NCF2: variants seen among roughly 807,000 people sequenced by gnomAD.
NCF2 encodes neutrophil cytosol factor 2.
In NCF2, 45 loss-of-function variants were observed where a neutral mutation model predicts 70.9. The observed-to-expected ratio is 0.63, with a 90% CI of 0.50 to 0.81. The LOEUF (loss-of-function observed/expected upper bound fraction) is 0.81. Among genes scored for constraint, NCF2 ranks in the 40% least tolerant of loss-of-function variants. The probability of loss-of-function intolerance (pLI) is 0.00; values close to 1 mark genes in which losing one functional copy is unlikely to be tolerated. For synonymous variants in NCF2, 203 were observed against 233.6 expected (o/e 0.87, Z 1.19); for missense variants, 522 against 631.6 (o/e 0.83, Z 1.86).
chr1:183,582,179 G>GTGCC (rs1673147954), intron 2 of NCF2, among the ~76,000 whole-genome samples: 1 of 152,228 alleles, frequency 6.6e-6, no homozygotes, highest in Non-Finnish European at 1.5e-5. Flanking sequence ...TCAGCGCTGT[G>GTGCC]TGCCAGTGGG....
Position 183,586,956 on chromosome 1 carries a change from G to T in NCF2, c.196C>A (p.Arg66=), listed in dbSNP as rs750782115. The T allele has an allele frequency of 1.7e-5, 28 of 1,613,990 alleles. No individual in the cohort carries two copies. Among genetic ancestry groups the T allele is most frequent in the Non-Finnish European group, 2.2e-5 (26 of 1,179,974 alleles). The change falls in exon 2 of 15, where the codon CGA becomes AGA. Residue 66 remains arginine, a synonymous_variant. Transcript: ENST00000367535. ...AEKAFTRSIN[R]DKHLAVAYFQ... is the part of the protein sequence containing the mutation. ...TAAGCCACTGCCAAGTGCTTGTCTC[G>T]GTTAATGCTTCTGGTAAAGGCCTGA...
chr1:183,590,146 C>T lies in NCF2; in HGVS notation c.174+10G>A, dbSNP rs756489228. 3 of 1,614,186 alleles carry T rather than the reference C, an allele frequency of 1.9e-6. No individual in the cohort carries two copies. In the East Asian group the frequency reaches 6.7e-5, roughly 36 times the overall value. On this transcript the variant is annotated intron_variant, in intron 1 of 14. Coordinates refer to ENST00000367535, the MANE Select transcript of NCF2 (RefSeq NM_000433.4). ...ACAGAGGAGGCCCGGAAAGAGGCAC[C>T]TCCACTCACCTTCTCTGCTTCAGTC...
intron 2 of NCF2, 53 bp downstream of exon 2, chr1:183,586,842 C>A: frequency 6.5e-7 from 1 of 1,533,398 alleles, no homozygotes; most frequent in South Asian, 1.1e-5. Context: ...ACACTGAGAC[C>A]CCTTGGGTTT....
intron 4 of NCF2, among the ~76,000 whole-genome samples, chr1:183,574,248 T>C (rs1283171355): frequency 1.3e-5 from 2 of 152,196 alleles, no homozygotes; most frequent in African/African-American, 2.4e-5. Context: ...TTCTCCTGCA[T>C]TGCCAAGGAG....
At chr1:183,564,125 G>T in intron 10 of NCF2, 95 bp from the exon 11 acceptor site, 1 of 1,247,100 alleles carries the variant, frequency 8.0e-7, no homozygotes, top group East Asian at 2.3e-5. Context: ...TCTTCAAATA[G>T]GGCCCCCAAC....
rs752127520 is a variant in NCF2, at chr1:183,574,504, C to T, written c.484G>A (p.Ala162Thr). 1 of 1,614,236 alleles carries T rather than the reference C, an allele frequency of 6.2e-7. No homozygotes were observed. Among genetic ancestry groups the T allele is most frequent in the Middle Eastern group, 1.6e-4 (1 of 6,062 alleles). The change falls in exon 4 of 15, where the codon GCG becomes ACG. Residue 162 changes from alanine to threonine, a missense_variant. Ala to Thr is a moderately conservative substitution (Grantham distance 58). Transcript: ENST00000367535. ...SEPRHSKIDK[A>T]MECVWKQKLY... ...ACGCTTACCCAGACACACTCCATCG[C>T]CTTGTCGATTTTGGAATGTCTGGGC... is the stretch of plus-strand genomic sequence containing the variant.
intron 7 of NCF2, among the ~76,000 whole-genome samples, chr1:183,567,861 C>G (rs1258199739): frequency 6.6e-6 from 1 of 152,070 alleles, no homozygotes; most frequent in Non-Finnish European, 1.5e-5. Context: ...GAGGGATGCA[C>G]ATAGAGGGCT....
In NCF2 at chr1:183,590,382, C is replaced by A. The variant is rs1187461695; in HGVS notation, c.-53G>T. ...GAGCTGCCAGGAGACAGAGAGAAGA[C>A]AGGTTGGAGCGTCTCCCCTAGCAGG... On this transcript the variant is annotated 5_prime_UTR_variant, in exon 1 of 15. Transcript: ENST00000367535. 1 of 1,606,620 alleles carries A rather than the reference C, an allele frequency of 6.2e-7. No individual in the cohort carries two copies. The highest frequency in any genetic ancestry group is 1.3e-5 in the African/African-American group (1 of 74,726).
intron 1 of NCF2, among the ~76,000 whole-genome samples, chr1:183,587,595 C>CAAAAAAAAAAAAAAAAA (rs11287969): frequency 7.2e-5 from 3 of 41,858 alleles, no homozygotes; most frequent in Non-Finnish European, 9.1e-5. Context: ...CACCCTGTCT[C>CAAAAAAAAAAAAAAAAA]AAAAAAAAAA....
At chr1:183,592,056 C>T (rs1673678964), upstream of NCF2, among the ~76,000 whole-genome samples, 1 of 152,186 alleles carries the variant, frequency 6.6e-6, no homozygotes, top group South Asian at 2.1e-4. Context: ...GCCAATTTGG[C>T]TTGCTAAAAT....
intron 4 of NCF2, 29 bp downstream of exon 4, chr1:183,574,458 C>T (rs1672706169): frequency 6.2e-7 from 1 of 1,614,110 alleles, no homozygotes; most frequent in East Asian, 2.2e-5. Flanking sequence ...GTGACATCCT[C>T]TCAACACCTG....
At chr1:183,568,232 G>T (rs951336681) in intron 7 of NCF2, among the ~76,000 whole-genome samples, 2 of 151,586 alleles carry the variant, frequency 1.3e-5, no homozygotes, top group African/African-American at 4.8e-5. Context: ...ACATGATCTT[G>T]GTTCACTGCA....
At chr1:183,563,961 T>A (rs765720927) in intron 11 of NCF2, 44 bp downstream of exon 11, 5 of 1,569,262 alleles carry the variant, frequency 3.2e-6, no homozygotes, top group Non-Finnish European at 1.8e-6. Flanking sequence ...GCCCAAGCTA[T>A]CCCATCTTCT....
chr1:183,574,520 A>G lies in NCF2; in HGVS notation c.468T>C (p.His156=). ...LATSMKSEPR[H]SKIDKAMECV... ...ACTCCATCGCCTTGTCGATTTTGGA[A>G]TGTCTGGGCTCAGACTTCATGCTCG... is the stretch of plus-strand genomic sequence containing the variant. Residue 156 remains histidine (H), a synonymous_variant, in exon 4 of 15, where the codon CAT becomes CAC. Transcript: ENST00000367535. The G allele has an allele frequency of 6.2e-7, 1 of 1,614,250 alleles. No homozygotes were observed. The highest frequency in any genetic ancestry group is 2.2e-5 in the East Asian group (1 of 44,884).
At chr1:183,583,443 C>G (rs1405053030) in intron 2 of NCF2, among the ~76,000 whole-genome samples, 1 of 152,196 alleles carries the variant, frequency 6.6e-6, no homozygotes, top group Non-Finnish European at 1.5e-5. Context: ...CAGCAGTTAC[C>G]CACTTCTGCC....
At chr1:183,580,935 T>G (rs1672791329) in intron 2 of NCF2, among the ~76,000 whole-genome samples, 1 of 145,558 alleles carries the variant, frequency 6.9e-6, no homozygotes. Flanking sequence ...GCCAAAACCA[T>G]GCCACTGCAC....
upstream of NCF2, among the ~76,000 whole-genome samples, chr1:183,595,853 A>G (rs962076558): frequency 2.0e-5 from 3 of 152,172 alleles, no homozygotes; most frequent in African/African-American, 4.8e-5. Flanking sequence ...CTATTGATTA[A>G]AAGCAAGTTA....
the NCF2 span, among the ~76,000 whole-genome samples, chr1:183,601,487 T>C: frequency 6.6e-6 from 1 of 152,288 alleles, no homozygotes; most frequent in South Asian, 2.1e-4. Context: ...CTAATGTGCA[T>C]TTTTTTAAAA....
intron 6 of NCF2, among the ~76,000 whole-genome samples, chr1:183,569,990 A>G (rs3820691): frequency 0.46 from 69,531 of 152,030 alleles, 16,296 homozygotes; most frequent in East Asian, 0.64. Context: ...CCTGGGCTGC[A>G]TTCCCCTCAT....
Sources: gnomAD v4.1 joint callset for allele counts (sites outside exome capture counted in the v4.1 genomes callset) on GRCh38, gnomAD v4.1.1 for gene constraint, MANE v1.5 for transcripts, NCBI Gene and HGNC (gene_info 2026-07-23, HGNC 2026-07-21) for gene names.